Variants in METTL6 observed in about 807,000 individuals in gnomAD.
METTL6 encodes tRNA N(3)-cytidine methyltransferase METTL6.
In METTL6, 22 loss-of-function variants were observed where a neutral mutation model predicts 26.4. The observed-to-expected ratio is 0.83, with a 90% CI of 0.59 to 1.19. METTL6 has a LOEUF of 1.19. Among genes scored for constraint, METTL6 ranks in the 50% most tolerant of loss-of-function variants. METTL6 has a pLI of 0.00. For missense variants in METTL6, 304 were observed against 324.8 expected, an observed-to-expected ratio of 0.94 and a Z score of 0.49; for synonymous variants, 109 against 116.2, an observed-to-expected ratio of 0.94 and a Z score of 0.40.
intron 6 of METTL6, among the ~76,000 whole-genome samples, chr3:15,401,575 G>C (rs989773087): frequency 3.9e-5 from 5 of 127,878 alleles, no homozygotes; most frequent in African/African-American, 1.4e-4. Flanking sequence ...AGAAAAAAAA[G>C]AAACAGGTCA....
intron 6 of METTL6, among the ~76,000 whole-genome samples, chr3:15,402,735 CAAAAA>C (rs548363790): frequency 3.5e-5 from 2 of 57,704 alleles, no homozygotes; most frequent in Non-Finnish European, 8.0e-5. Context: ...GATTCCATCT[CAAAAA>C]AAAAAAAAAG....
At chr3:15,381,652 T>C (rs1479029481) in exon 7 of METTL6, 4 of 152,212 alleles carry the variant, frequency 2.6e-5, no homozygotes, top group East Asian at 1.9e-4. Context: ...TGTGCAGAGA[T>C]AAGCAAAAGC....
chr3:15,424,938 A>G lies in METTL6; in HGVS notation c.360+17T>C, dbSNP rs1231177725. On this transcript the variant is annotated intron_variant, in intron 3 of 5. Transcript: ENST00000383790. ...AGAAAACAGAAACACAGCAGAATACATAGATGGTGCACCAACCTTAACATA... is the reference window on the plus strand; with the variant it reads ...AGAAAACAGAAACACAGCAGAATACGTAGATGGTGCACCAACCTTAACATA... The G allele has an allele frequency of 1.2e-6, 2 of 1,613,836 alleles. No individual in the cohort carries two copies. Among genetic ancestry groups the G allele is most frequent in the African/African-American group, 2.7e-5 (2 of 74,920 alleles).
At chr3:15,425,944 C>T (rs939250855) in intron 2 of METTL6, among the ~76,000 whole-genome samples, 9 of 152,148 alleles carry the variant, frequency 5.9e-5, no homozygotes, top group Non-Finnish European at 8.8e-5. Context: ...CACCTCTTCA[C>T]ATTTTTTTTT....
At chr3:15,406,576 AAAC>A (rs1441140393), downstream of METTL6, among the ~76,000 whole-genome samples, 15 of 139,918 alleles carry the variant, frequency 1.1e-4, no homozygotes, top group African/African-American at 4.0e-4. Context: ...GAAAAAAAAA[AAAC>A]AAACAGTTAT....
At chr3:15,391,302 C>A (rs73029605) in intron 6 of METTL6, among the ~76,000 whole-genome samples, 8 of 152,186 alleles carry the variant, frequency 5.3e-5, no homozygotes, top group African/African-American at 1.9e-4. Context: ...AGCTGAGGTT[C>A]CAGGCTTAAG....
chr3:15,382,240 C>G (rs1004369109), exon 7 of METTL6: 7 of 152,160 alleles, frequency 4.6e-5, no homozygotes, highest in Non-Finnish European at 1.0e-4. Context: ...TAAGCACACA[C>G]CACCAAGTTC....
intron 3 of METTL6, among the ~76,000 whole-genome samples, chr3:15,422,404 A>C (rs1002230771): frequency 3.9e-5 from 6 of 152,084 alleles, no homozygotes; most frequent in African/African-American, 1.4e-4. Flanking sequence ...CAAGGCAGGC[A>C]GATCACTTGA....
At chr3:15,425,936 C>G (rs1460204774) in intron 2 of METTL6, among the ~76,000 whole-genome samples, 1 of 152,178 alleles carries the variant, frequency 6.6e-6, no homozygotes, top group Admixed American at 6.5e-5. Flanking sequence ...ATACAGCACA[C>G]CTCTTCACAT....
At chr3:15,381,457 A>G (rs1699082225) in exon 7 of METTL6, 1 of 152,220 alleles carries the variant, frequency 6.6e-6, no homozygotes, top group Admixed American at 6.5e-5. Flanking sequence ...GGTGGTGGCA[A>G]GGGTCCAAGG....
intron 6 of METTL6, among the ~76,000 whole-genome samples, chr3:15,390,818 C>T (rs1699324143): frequency 6.9e-6 from 1 of 143,960 alleles, no homozygotes; most frequent in Non-Finnish European, 1.5e-5. Flanking sequence ...AATCATGTCA[C>T]ACGAACAGAT....
chr3:15,386,357 C>A (rs1467882372), intron 6 of METTL6, among the ~76,000 whole-genome samples: 2 of 151,844 alleles, frequency 1.3e-5, no homozygotes, highest in African/African-American at 4.8e-5. Flanking sequence ...AGCCAAGGGG[C>A]AGAAGCAGGT....
At chr3:15,388,608 C>G (rs1465016634) in intron 6 of METTL6, among the ~76,000 whole-genome samples, 1 of 152,132 alleles carries the variant, frequency 6.6e-6, no homozygotes. Flanking sequence ...CCATCAAGTG[C>G]AGGGTCTGCA....
At chr3:15,417,130 A>T (rs1700240157) in intron 3 of METTL6, among the ~76,000 whole-genome samples, 1 of 152,196 alleles carries the variant, frequency 6.6e-6, no homozygotes, top group Admixed American at 6.5e-5. Context: ...ATGCCACTGC[A>T]AGCTAGCCTG....
At chr3:15,422,924 T>C (rs2061639478) in intron 3 of METTL6, among the ~76,000 whole-genome samples, 2 of 152,230 alleles carry the variant, frequency 1.3e-5, no homozygotes, top group African/African-American at 4.8e-5. Context: ...TTTTACCTGA[T>C]TTAAATTTAA....
rs1404741155 is a variant in METTL6, at chr3:15,414,171, C to A, written c.532-9G>T. 6.2e-7 allele frequency: 1 copy of A among 1,600,790 alleles called. No individual in the cohort carries two copies. Among genetic ancestry groups the A allele is most frequent in the East Asian group, 2.2e-5 (1 of 44,770 alleles). On this transcript the variant is annotated splice_polypyrimidine_tract_variant and intron_variant, in intron 4 of 5. Coordinates refer to ENST00000383790, the MANE Select transcript of METTL6 (RefSeq NM_152396.4). The stretch of plus-strand genomic sequence containing the variant: ...TTGCCTGGTTTTAATACCTATGAAA[C>A]AAAAGCAGGCTGAACATGACTTTGG...
chr3:15,415,579 T>C (rs980831147), intron 4 of METTL6, 193 bp downstream of exon 4: 5 of 1,605,228 alleles, frequency 3.1e-6, no homozygotes, highest in Non-Finnish European at 4.2e-6. Flanking sequence ...AGAGCAGCCA[T>C]GGCACTGCAC....
chr3:15,412,247 A>G (rs1419494550), intron 5 of METTL6, among the ~76,000 whole-genome samples: 2 of 152,210 alleles, frequency 1.3e-5, no homozygotes, highest in African/African-American at 4.8e-5. Context: ...GTGGTGACCT[A>G]GCTCCAGGAA....
chr3:15,426,759 C>T (rs545275908), intron 1 of METTL6, 124 bp from the exon 2 acceptor site: 17 of 528,612 alleles, frequency 3.2e-5, no homozygotes, highest in Middle Eastern at 5.0e-4. Context: ...TATGAGAGGT[C>T]ACAAAGAAGA....
Sources: gnomAD v4.1 joint callset for allele counts (sites outside exome capture counted in the v4.1 genomes callset) on GRCh38, gnomAD v4.1.1 for gene constraint, MANE v1.5 for transcripts, NCBI Gene and HGNC (gene_info 2026-07-23, HGNC 2026-07-21) for gene names.